The following CECR2 variants were observed in gnomAD, a reference collection of about 807,000 sequenced individuals.
The protein encoded by CECR2 is chromatin remodeling regulator CECR2.
Under a neutral mutation model 154.5 loss-of-function variants are expected in CECR2, and 30 were observed. That is an observed-to-expected ratio of 0.19 (90% CI 0.15 to 0.26). The LOEUF (loss-of-function observed/expected upper bound fraction) is 0.26, where lower values mean the gene tolerates loss of function less well. Among genes scored for constraint, CECR2 ranks in the 10% least tolerant of loss-of-function variants. The probability of loss-of-function intolerance (pLI) is 1.00; values close to 1 mark genes in which losing one functional copy is unlikely to be tolerated. For synonymous variants in CECR2, 725 were observed against 683.7 expected (o/e 1.06, Z -0.94); for missense variants, 1,743 against 1,829.3 (o/e 0.95, Z 0.86).
At chr22:17,537,600 CAA>C (rs780378415) in intron 10 of CECR2, among the ~76,000 whole-genome samples, 7 of 152,176 alleles carry the variant, frequency 4.6e-5, no homozygotes, top group Non-Finnish European at 1.0e-4. Flanking sequence ...TTACTAAACT[CAA>C]GAGGCAGATA....
chr22:17,532,770 T>C (rs1271710685), intron 9 of CECR2, among the ~76,000 whole-genome samples: 1 of 122,272 alleles, frequency 8.2e-6, no homozygotes, highest in Non-Finnish European at 1.6e-5. Context: ...CAGGCTGGAG[T>C]GCAGTGGTGC....
Position 17,549,783 on chromosome 22 carries a change from G to GTTTTTTTTT in CECR2, c.4277+219_4277+220insTTTTTTTTT, listed in dbSNP as rs1491166897. On this transcript the variant is annotated intron_variant, in intron 17 of 18. Coordinates refer to ENST00000262608, the MANE Select transcript of CECR2 (RefSeq NM_001290047.2). Reference sequence around the variant, plus strand: ...TGCCACCACACCCAGCTAACTTTTTGGTTTTTTTTTTTTTTTTTTTTTGGT... The same window carrying GTTTTTTTTT: ...TGCCACCACACCCAGCTAACTTTTTGTTTTTTTTTGTTTTTTTTTTTTTTTTTTTTTGGT... Among the ~76,000 whole-genome samples, 6 of 88,856 alleles carry GTTTTTTTTT rather than the reference G, an allele frequency of 6.8e-5. 3 individuals carry two copies. Among genetic ancestry groups the GTTTTTTTTT allele is most frequent in the Non-Finnish European group, 8.6e-5 (4 of 46,544 alleles). The allele number at this position is 88,856 out of a possible 152,430, so 58.3% of individuals were successfully genotyped here.
chr22:17,373,665 A>G (rs2063085976), intron 1 of CECR2, among the ~76,000 whole-genome samples: 1 of 152,206 alleles, frequency 6.6e-6, no homozygotes, highest in Admixed American at 6.5e-5. Flanking sequence ...GTTGATATAA[A>G]CAGATGAATG....
In CECR2 at chr22:17,493,027, A is replaced by G. The variant is rs1171455658; in HGVS notation, c.222-4376A>G. Among the ~76,000 whole-genome samples the G allele has an allele frequency of 2.0e-5, 3 of 151,936 alleles. No individual in the cohort carries two copies. In the East Asian group the frequency reaches 5.8e-4, roughly 29 times the overall value. ...GGCTCTGTCGCCCAGGCTGGAGTGC[A>G]GTGGTGCAATCTCAGCTCACTGCAA... On this transcript the variant is annotated intron_variant, in intron 2 of 18. Transcript: ENST00000262608.
At chr22:17,362,802 T>C (rs1357499356) in intron 1 of CECR2, among the ~76,000 whole-genome samples, 6 of 147,156 alleles carry the variant, frequency 4.1e-5, no homozygotes, top group Admixed American at 3.5e-4. Flanking sequence ...CTCGGGAGGC[T>C]GAGGCAGGAA....
chr22:17,387,442 A>T (rs2063276696), intron 1 of CECR2, among the ~76,000 whole-genome samples: 1 of 152,208 alleles, frequency 6.6e-6, no homozygotes, highest in Admixed American at 6.5e-5. Context: ...AGCAGCCACG[A>T]CACAGCCAGA....
At chr22:17,440,884 T>C (rs1014597644) in intron 1 of CECR2, among the ~76,000 whole-genome samples, 2 of 151,532 alleles carry the variant, frequency 1.3e-5, no homozygotes, top group East Asian at 3.9e-4. Context: ...TTGTATCTGT[T>C]GATGATTATA....
chr22:17,440,757 C>T (rs2054572995), intron 1 of CECR2, among the ~76,000 whole-genome samples: 1 of 152,188 alleles, frequency 6.6e-6, no homozygotes, highest in Admixed American at 6.5e-5. Flanking sequence ...CTACCACCCT[C>T]TGATCCCTAC....
At chr22:17,430,003 C>A (rs994891081) in intron 1 of CECR2, among the ~76,000 whole-genome samples, 4 of 152,110 alleles carry the variant, frequency 2.6e-5, no homozygotes, top group African/African-American at 9.7e-5. Context: ...CCAGTTTAGA[C>A]CCCCCACCAA....
rs1468151137 is a variant in CECR2 at position 17,492,223 on chromosome 22, G to C, written c.222-5180G>C. On this transcript the variant is annotated intron_variant, in intron 2 of 18. Transcript: ENST00000262608. ...GATTTTTCATCTTATCTCCATTCTG[G>C]GAAGCCTGGTGCCAAACCTTTATTG... is the stretch of plus-strand genomic sequence containing the variant. Among the ~76,000 whole-genome samples the C allele has an allele frequency of 2.0e-5, 3 of 152,262 alleles. No homozygotes were observed. The East Asian group carries it at 5.8e-4, about 29-fold the overall frequency.
At chr22:17,529,514 C>G (rs1165999384) in intron 9 of CECR2, among the ~76,000 whole-genome samples, 1 of 151,564 alleles carries the variant, frequency 6.6e-6, no homozygotes, top group Non-Finnish European at 1.5e-5. Flanking sequence ...TCGTGACTAA[C>G]ACGGTGAAAC....
At chr22:17,366,976 G>A (rs2063005179), upstream of CECR2, among the ~76,000 whole-genome samples, 1 of 152,174 alleles carries the variant, frequency 6.6e-6, no homozygotes, top group Non-Finnish European at 1.5e-5. Context: ...GAGGAAATGG[G>A]TCTAAAGTTG....
At chr22:17,385,400 A>G (rs1009669907) in intron 1 of CECR2, among the ~76,000 whole-genome samples, 1 of 152,196 alleles carries the variant, frequency 6.6e-6, no homozygotes, top group African/African-American at 2.4e-5. Context: ...CTTAAAGGCC[A>G]TTGTAGGATT....
intron 1 of CECR2, among the ~76,000 whole-genome samples, chr22:17,447,033 C>CTGTTTTTTTTT (rs1339121774): frequency 0.017 from 1,939 of 113,958 alleles, 305 homozygotes; most frequent in East Asian, 0.15. Context: ...CGTTTACAAT[C>CTGTTTTTTTTT]TTTTTTTTTT....
chr22:17,381,239 T>C lies in CECR2; in HGVS notation c.126+11330T>C, dbSNP rs778485560. On this transcript the variant is annotated intron_variant, in intron 1 of 18. Transcript: ENST00000262608. ...CACGAATGTACTGATGCTTTTCACA[T>C]TGGTTCTGAAAGACTTTCCCCCCAT... Among the ~76,000 whole-genome samples, 84 of 152,242 alleles carry C rather than the reference T, an allele frequency of 5.5e-4. 1 individual carries two copies. Among genetic ancestry groups the C allele is most frequent in the Non-Finnish European group, 9.8e-4 (67 of 68,044 alleles).
chr22:17,512,299 G>A (rs1264246615), intron 8 of CECR2, among the ~76,000 whole-genome samples: 2 of 152,122 alleles, frequency 1.3e-5, no homozygotes, highest in East Asian at 3.9e-4. Flanking sequence ...GGGTGGGAGA[G>A]GTGGGGCAGA....
chr22:17,412,166 C>T (rs1045754700), intron 1 of CECR2, among the ~76,000 whole-genome samples: 2 of 152,080 alleles, frequency 1.3e-5, no homozygotes, highest in African/African-American at 4.8e-5. Context: ...TGCCTTATTT[C>T]TTCTGCATGT....
chr22:17,441,619 A>ATGAG (rs2054586673), intron 1 of CECR2, among the ~76,000 whole-genome samples: 1 of 151,420 alleles, frequency 6.6e-6, no homozygotes, highest in African/African-American at 2.4e-5. Context: ...CGTTACTTGA[A>ATGAG]TGAATGAATG....
chr22:17,411,403 C>A (rs2054066487), intron 1 of CECR2, among the ~76,000 whole-genome samples: 1 of 152,212 alleles, frequency 6.6e-6, no homozygotes. Flanking sequence ...CCATCAGTTC[C>A]TGCTGTCCAA....
Sources: allele counts gnomAD v4.1 joint callset (sites outside exome capture counted in the v4.1 genomes callset), GRCh38; gene constraint gnomAD v4.1.1; transcripts MANE v1.5; gene names NCBI Gene and HGNC (gene_info 2026-07-23, HGNC 2026-07-21).